AFG2A: variants seen among roughly 807,000 people sequenced by gnomAD.
AFG2A encodes the protein ATPase family gene 2 protein homolog A.
chr4:123,295,878 C>G, the AFG2A span, among the ~76,000 whole-genome samples: 1 of 152,206 alleles, frequency 6.6e-6, no homozygotes, highest in Non-Finnish European at 1.5e-5. Context: ...CACCACCTCA[C>G]CAGCTGAGCA....
the AFG2A span, among the ~76,000 whole-genome samples, chr4:123,164,108 C>T: frequency 6.6e-6 from 1 of 152,098 alleles, no homozygotes; most frequent in Non-Finnish European, 1.5e-5. Flanking sequence ...AGAAAACCAC[C>T]CCTTTTGGGC....
chr4:123,030,841 T>C, the AFG2A span, among the ~76,000 whole-genome samples: 1 of 152,216 alleles, frequency 6.6e-6, no homozygotes, highest in Non-Finnish European at 1.5e-5. Context: ...TCTGAAAATT[T>C]GGAATCTAAA....
the AFG2A span, among the ~76,000 whole-genome samples, chr4:123,121,726 A>G: frequency 6.6e-6 from 1 of 152,230 alleles, no homozygotes; most frequent in Non-Finnish European, 1.5e-5. Flanking sequence ...GCACAATGAC[A>G]AAATCACTTA....
the AFG2A span, among the ~76,000 whole-genome samples, chr4:123,216,694 CTCACTCTG>C: frequency 1.3e-5 from 2 of 149,962 alleles, no homozygotes; most frequent in African/African-American, 5.0e-5. Flanking sequence ...GAAACAAAGC[CTCACTCTG>C]TCACCCAGGC....
the AFG2A span, among the ~76,000 whole-genome samples, chr4:122,973,507 T>C: frequency 6.6e-6 from 1 of 152,176 alleles, no homozygotes; most frequent in Admixed American, 6.5e-5. Flanking sequence ...GTATTTTTAT[T>C]ATTTCATCCT....
chr4:123,262,213 G>A, the AFG2A span, among the ~76,000 whole-genome samples: 1 of 152,098 alleles, frequency 6.6e-6, no homozygotes, highest in Non-Finnish European at 1.5e-5. Context: ...AATATTAGAT[G>A]GGTGGTACAT....
chr4:123,160,338 C>T, the AFG2A span, among the ~76,000 whole-genome samples: 3 of 152,180 alleles, frequency 2.0e-5, no homozygotes, highest in Non-Finnish European at 4.4e-5. Context: ...AGACACACCT[C>T]TTCCTGAAAA....
At chr4:123,258,769 T>C in the AFG2A span, among the ~76,000 whole-genome samples, 2 of 152,006 alleles carry the variant, frequency 1.3e-5, no homozygotes, top group African/African-American at 4.8e-5. Context: ...TAATTGTTTT[T>C]TAGAAACAAA....
At chr4:123,218,348 T>C in the AFG2A span, among the ~76,000 whole-genome samples, 1 of 152,178 alleles carries the variant, frequency 6.6e-6, no homozygotes, top group Non-Finnish European at 1.5e-5. Context: ...GTTTGAAGTA[T>C]TGAGAGGTTT....
At chr4:123,156,508 C>G in the AFG2A span, among the ~76,000 whole-genome samples, 1 of 152,034 alleles carries the variant, frequency 6.6e-6, no homozygotes, top group Non-Finnish European at 1.5e-5. Context: ...CATGAAATTA[C>G]AAATAAAAAC....
the AFG2A span, among the ~76,000 whole-genome samples, chr4:123,017,262 G>A: frequency 5.6e-5 from 8 of 142,982 alleles, no homozygotes; most frequent in Admixed American, 2.8e-4. Flanking sequence ...GAGCGAGAGC[G>A]AGAGCGAGAG....
the AFG2A span, among the ~76,000 whole-genome samples, chr4:123,058,376 G>C: frequency 6.6e-6 from 1 of 152,200 alleles, no homozygotes; most frequent in Non-Finnish European, 1.5e-5. Flanking sequence ...TGTAATCCCA[G>C]CACTTTGGCA....
At chr4:123,209,901 A>C in the AFG2A span, among the ~76,000 whole-genome samples, 28 of 151,972 alleles carry the variant, frequency 1.8e-4, no homozygotes, top group Non-Finnish European at 4.0e-4. Context: ...CTTCTTCAAC[A>C]GCTTCAGCTT....
the AFG2A span, among the ~76,000 whole-genome samples, chr4:123,064,993 C>T: frequency 6.6e-6 from 1 of 152,124 alleles, no homozygotes; most frequent in Non-Finnish European, 1.5e-5. Flanking sequence ...ACCTAAGTAC[C>T]TACTCAAGGG....
chr4:123,101,570 C>T, the AFG2A span, among the ~76,000 whole-genome samples: 1 of 151,898 alleles, frequency 6.6e-6, no homozygotes, highest in Admixed American at 6.6e-5. Flanking sequence ...TTTCTGAATA[C>T]TTTGCTCTTT....
chr4:123,067,442 G>T, the AFG2A span, among the ~76,000 whole-genome samples: 2 of 151,918 alleles, frequency 1.3e-5, no homozygotes, highest in Non-Finnish European at 2.9e-5. Context: ...GCTTGAACCC[G>T]GGAGGTGTAG....
chr4:123,226,788 C>T, the AFG2A span, among the ~76,000 whole-genome samples: 2 of 152,146 alleles, frequency 1.3e-5, no homozygotes, highest in Non-Finnish European at 1.5e-5. Flanking sequence ...AGGAATGGTA[C>T]CAGCTCCTCC....
chr4:123,128,386 T>G, the AFG2A span, among the ~76,000 whole-genome samples: 5,576 of 152,206 alleles, frequency 0.037, 338 homozygotes, highest in African/African-American at 0.13. Context: ...AATTGTTGCT[T>G]TTTGTTTTCT....
the AFG2A span, among the ~76,000 whole-genome samples, chr4:123,211,839 G>A: frequency 3.9e-5 from 6 of 152,028 alleles, no homozygotes; most frequent in East Asian, 1.9e-4. Context: ...TACTGCAGGC[G>A]AAGACATATA....
Sources: gnomAD v4.1 joint callset for allele counts (sites outside exome capture counted in the v4.1 genomes callset) on GRCh38, gnomAD v4.1.1 for gene constraint, MANE v1.5 for transcripts, NCBI Gene and HGNC (gene_info 2026-07-23, HGNC 2026-07-21) for gene names.